ABCA3: variants seen among roughly 807,000 people sequenced by gnomAD.
ABCA3 encodes the protein ATP binding cassette subfamily A member 3.
Under a neutral mutation model 172.8 loss-of-function variants are expected in ABCA3, and 88 were observed. That is an observed-to-expected ratio of 0.51 (90% CI 0.43 to 0.61). ABCA3 has a LOEUF of 0.61. Among genes scored for constraint, ABCA3 ranks in the 20% least tolerant of loss-of-function variants. ABCA3 has a pLI of 0.00. For synonymous variants in ABCA3, 1,066 were observed against 983.8 expected (o/e 1.08, Z -1.56); for missense variants, 2,164 against 2,301.0 (o/e 0.94, Z 1.22).
At chr16:2,339,198 C>G (rs1266303384) in intron 1 of ABCA3, 1 of 152,256 alleles carries the variant, frequency 6.6e-6, no homozygotes, top group Non-Finnish European at 1.5e-5. Flanking sequence ...TTACCTGGGC[C>G]TTCCCAGTTG....
chr16:2,278,087 C>T lies in ABCA3; in HGVS notation c.4719-18G>A. The T allele has an allele frequency of 6.2e-7, 1 of 1,613,202 alleles. No individual in the cohort carries two copies. The highest frequency in any genetic ancestry group is 1.3e-5 in the African/African-American group (1 of 75,024). The stretch of plus-strand genomic sequence containing the variant: ...CCTCCATGCTGTGGAGAGGGCGGGA[C>T]CTCAGATAGGGCTTGGGGTGCCAAA... On this transcript the variant is annotated intron_variant, in intron 30 of 32. Transcript: ENST00000301732. The surrounding 1 kb of genome is among the most constrained non-coding windows in gnomAD (Gnocchi z 4.4).
At chr16:2,313,568 A>G (rs1225488411) in intron 10 of ABCA3, among the ~76,000 whole-genome samples, 2 of 151,058 alleles carry the variant, frequency 1.3e-5, no homozygotes, top group Non-Finnish European at 2.9e-5. Context: ...AAAAAAAAAA[A>G]AAAAGAAGAA....
chr16:2,332,843 G>C (rs2093745669), intron 1 of ABCA3: 1 of 564,684 alleles, frequency 1.8e-6, no homozygotes, highest in Non-Finnish European at 3.1e-6. Context: ...GTCTTGCTTT[G>C]TCACCCAGGT....
chr16:2,292,154 C>G lies in ABCA3; in HGVS notation c.2499G>C (p.Glu833Asp), dbSNP rs766248067. 6.2e-7 allele frequency: 1 copy of G among 1,613,738 alleles called. No homozygotes were observed. The highest frequency in any genetic ancestry group is 1.7e-5 in the Admixed American group (1 of 60,014). Residue 833 changes from glutamate to aspartate, a missense_variant, in exon 19 of 33, where the codon GAG becomes GAC. Physicochemically the swap from Glu to Asp is conservative, Grantham distance 45 (BLOSUM62 2). Around this residue, in one of 3 missense-constraint regions of ABCA3, gnomAD observed 1,343 missense variants for 1,369.6 expected, o/e 0.98. Coordinates refer to ENST00000301732, the MANE Select transcript of ABCA3 (RefSeq NM_001089.3). ...ASFGASITTMEEVFLRVGKLV... is the reference protein window; with the variant it reads ...ASFGASITTMDEVFLRVGKLV... ...CATTTACTGACCGAAGGAAGACTTCCTCCATGGTGGTGATGGATGCCCCAA... is the reference window on the plus strand; with the variant it reads ...CATTTACTGACCGAAGGAAGACTTCGTCCATGGTGGTGATGGATGCCCCAA...
rs2093660477 is a variant in ABCA3, at chr16:2,284,940, G to C, written c.3542C>G (p.Thr1181Ser). ...GCCGTAGAGCAGGAGCAGCAGCAGGGTGTCAGCCATGTGGCCGTCCCGCGT... is the reference window on the plus strand; with the variant it reads ...GCCGTAGAGCAGGAGCAGCAGCAGGCTGTCAGCCATGTGGCCGTCCCGCGT... ...AFTRDGHMAD[T>S]LLLLLLYGWA... The change falls in exon 24 of 33, where the codon ACC (threonine) becomes AGC (serine). Residue 1181 changes from threonine (T) to serine (S), a missense_variant. Around this residue, in one of 3 missense-constraint regions of ABCA3, gnomAD observed 795 missense variants for 881.9 expected, o/e 0.90. Transcript: ENST00000301732. The surrounding 1 kb of genome is among the most constrained non-coding windows in gnomAD (Gnocchi z 5.9). The C allele has an allele frequency of 6.2e-7, 1 of 1,613,780 alleles. No individual in the cohort carries two copies. Among genetic ancestry groups the C allele is most frequent in the African/African-American group, 1.3e-5 (1 of 74,908 alleles).
chr16:2,324,353 C>T (rs765150801), intron 6 of ABCA3, 51 bp downstream of exon 6: 4 of 1,546,118 alleles, frequency 2.6e-6, no homozygotes, highest in Admixed American at 1.9e-5. Flanking sequence ...CGGGAGGAAG[C>T]GGAGGCCTTG....
intron 11 of ABCA3, among the ~76,000 whole-genome samples, chr16:2,305,219 T>C (rs375631401): frequency 9.2e-5 from 14 of 152,066 alleles, no homozygotes; most frequent in African/African-American, 3.4e-4. Flanking sequence ...CTGCAACCTC[T>C]GCCTCTGGGG....
At chr16:2,299,258 G>T in intron 14 of ABCA3, 145 bp downstream of exon 14, 1 of 1,204,848 alleles carries the variant, frequency 8.3e-7, no homozygotes, top group Non-Finnish European at 1.2e-6. Flanking sequence ...TGTGCCCCTG[G>T]GCCTGCAGGG....
At chr16:2,328,328 G>C in intron 3 of ABCA3, 125 bp downstream of exon 3, 1 of 319,462 alleles carries the variant, frequency 3.1e-6, no homozygotes, top group South Asian at 2.5e-5. Flanking sequence ...CCAGGAGTTC[G>C]AGACCAGCCT....
At chr16:2,330,088 G>A (rs751613541) in intron 1 of ABCA3, among the ~76,000 whole-genome samples, 69 of 151,814 alleles carry the variant, frequency 4.5e-4, no homozygotes, top group African/African-American at 1.6e-3. Context: ...CTGAGGTCAG[G>A]AGTTTAAGAC....
chr16:2,340,159 T>C (rs2093758329), intron 1 of ABCA3, among the ~76,000 whole-genome samples: 3 of 152,168 alleles, frequency 2.0e-5, no homozygotes, highest in Admixed American at 2.0e-4. Context: ...TCTCCGCAAG[T>C]GCGCGGCGGA....
intron 10 of ABCA3, among the ~76,000 whole-genome samples, chr16:2,312,772 T>C (rs1415513665): frequency 6.6e-6 from 1 of 151,944 alleles, no homozygotes; most frequent in African/African-American, 2.4e-5. Flanking sequence ...CCTCAGGTGA[T>C]CTGCCCGCCT....
Position 2,278,304 on chromosome 16 carries a change from T to G in ABCA3, c.4702A>C (p.Ile1568Leu). ...AGGCTCTACCTGTGGGAGGTGATGA[T>G]GATGGCCTTGCCAGACTCTCGGGCT... ...ARARESGKAIIITSHSMEECE... is the reference protein window; with the variant it reads ...ARARESGKAILITSHSMEECE... The change falls in exon 30 of 33, where the codon ATC becomes CTC. Residue 1568 changes from isoleucine (I) to leucine (L), a missense_variant. Physicochemically the swap from Ile to Leu is conservative, Grantham distance 5 (BLOSUM62 2). Transcript: ENST00000301732. The surrounding 1 kb of genome is among the most constrained non-coding windows in gnomAD (Gnocchi z 4.4). 6.2e-7 allele frequency: 1 copy of G among 1,609,180 alleles called. No homozygotes were observed.
chr16:2,319,484 C>A (rs1457332134), intron 8 of ABCA3, 97 bp downstream of exon 8: 11 of 1,212,694 alleles, frequency 9.1e-6, no homozygotes, highest in African/African-American at 3.1e-5. Flanking sequence ...GACTCCAACT[C>A]AAAAAAAAAA....
At position 2,275,919 on chromosome 16, in the gene ABCA3, G is replaced by GT. The variant is rs2093645599; in HGVS notation, c.*754dup. ...CATTTATTTTCTGGATGGTCACAAC[G>GT]TATTCAATGTGTCCTTGAGACAGCC... On this transcript the variant is annotated 3_prime_UTR_variant, in exon 33 of 33. Coordinates refer to ENST00000301732, the MANE Select transcript of ABCA3 (RefSeq NM_001089.3). 1 of 176,668 alleles carries GT rather than the reference G, an allele frequency of 5.7e-6. No homozygotes were observed. The highest frequency in any genetic ancestry group is 1.3e-4 in the South Asian group (1 of 7,928). The allele number at this position is 176,668 out of a possible 1,614,324, so 10.9% of individuals were successfully genotyped here.
chr16:2,331,987 C>T (rs541370383), intron 1 of ABCA3, among the ~76,000 whole-genome samples: 3 of 152,320 alleles, frequency 2.0e-5, no homozygotes, highest in Non-Finnish European at 4.4e-5. Flanking sequence ...TTAAACATCA[C>T]ACATATCATT....
At chr16:2,327,124 GTTTCT>G (rs1266313747) in intron 3 of ABCA3, among the ~76,000 whole-genome samples, 1 of 151,834 alleles carries the variant, frequency 6.6e-6, no homozygotes, top group Non-Finnish European at 1.5e-5. Context: ...AATTTTTTTT[GTTTCT>G]TTTGAGACAG....
chr16:2,314,872 CTTTT>C (rs35616252), intron 10 of ABCA3, among the ~76,000 whole-genome samples: 2 of 93,470 alleles, frequency 2.1e-5, no homozygotes, highest in East Asian at 3.1e-4. Context: ...AGTGCCTGGT[CTTTT>C]TTTTTTTTTT....
Position 2,281,078 on chromosome 16 carries a change from A to C in ABCA3, c.4308T>G (p.Thr1436=), listed in dbSNP as rs1160352237. Residue 1436 remains threonine, a synonymous_variant, in exon 28 of 33, where the codon ACT becomes ACG. Coordinates refer to ENST00000301732, the MANE Select transcript of ABCA3 (RefSeq NM_001089.3). The surrounding 1 kb of genome is among the most constrained non-coding windows in gnomAD (Gnocchi z 4.7). ...FKMLTGEESL[T]SGDAFVGGHR... is the part of the protein sequence containing the mutation. ...GACCCCCGACAAAGGCATCCCCAGAAGTGAGGCTCTCCTCCCCGGTCAGCA... is the reference window on the plus strand; with the variant it reads ...GACCCCCGACAAAGGCATCCCCAGACGTGAGGCTCTCCTCCCCGGTCAGCA... The C allele has an allele frequency of 6.2e-7, 1 of 1,613,862 alleles. No homozygotes were observed. Among genetic ancestry groups the C allele is most frequent in the African/African-American group, 1.3e-5 (1 of 74,988 alleles).
Sources: gnomAD v4.1 joint callset for allele counts (sites outside exome capture counted in the v4.1 genomes callset) on GRCh38, gnomAD v4.1.1 for gene constraint, gnomAD v4.1.1 regional missense constraint, Gnocchi (gnomAD v3.1) non-coding constraint, MANE v1.5 for transcripts, NCBI Gene and HGNC (gene_info 2026-07-23, HGNC 2026-07-21) for gene names.